The following DGKK variants were observed in gnomAD, a reference collection of about 807,000 sequenced individuals.
DGKK encodes diacylglycerol kinase kappa, also known as 142 kDa diacylglycerol kinase.
Under a neutral mutation model 92.2 loss-of-function variants are expected in DGKK, and 35 were observed. The ratio of observed to expected loss-of-function variants is 0.38; its 90% CI spans 0.29 to 0.50. The LOEUF (loss-of-function observed/expected upper bound fraction) is 0.50. Among genes scored for constraint, DGKK ranks in the 20% least tolerant of loss-of-function variants. The pLI is 0.92. For synonymous variants in DGKK, 368 were observed against 360.6 expected (o/e 1.02, Z -0.23); for missense variants, 910 against 992.2 (o/e 0.92, Z 1.11).
intron 27 of DGKK, among the ~76,000 whole-genome samples, chrX:50,369,976 T>C (rs1557222949): frequency 8.9e-6 from 1 of 112,128 alleles, no homozygotes; most frequent in Admixed American, 9.4e-5. Context: ...TAAGAGAACC[T>C]TCTTTTGAAT....
chrX:50,372,952 C>A (rs1163455828), intron 25 of DGKK, among the ~76,000 whole-genome samples: 2 of 112,156 alleles, frequency 1.8e-5, no homozygotes, highest in African/African-American at 6.5e-5. Flanking sequence ...ATAGGTTGAG[C>A]CTTGCTGGCT....
chrX:50,470,551 G>A lies in DGKK; in HGVS notation c.128C>T (p.Pro43Leu). The A allele has an allele frequency of 8.3e-7, 1 of 1,205,658 alleles. No homozygotes were observed. Among genetic ancestry groups the A allele is most frequent in the Non-Finnish European group, 1.1e-6 (1 of 893,812 alleles). The part of the protein sequence containing the change: ...PPPPPAPPPA[P>L]PLLSEASPEP... ...TGGCGAAGCCTCGGAGAGCAGCGGC[G>A]GAGCCGGCGGCGGAGCCGGTGGTGG... The change falls in exon 1 of 28, where the codon CCG (proline) becomes CTG (leucine). Residue 43 changes from proline (P) to leucine (L), a missense_variant. Physicochemically the swap from Pro to Leu is moderately conservative, Grantham distance 98. Coordinates refer to ENST00000611977, the MANE Select transcript of DGKK (RefSeq NM_001013742.4).
intron 14 of DGKK, 91 bp downstream of exon 14, chrX:50,387,463 C>A: frequency 1.5e-6 from 1 of 680,666 alleles, no homozygotes; most frequent in Non-Finnish European, 2.2e-6. Context: ...CTTTCTTTTA[C>A]CATTCCCAGT....
At chrX:50,411,155 A>T (rs1256265529) in intron 4 of DGKK, among the ~76,000 whole-genome samples, 1 of 111,443 alleles carries the variant, frequency 9.0e-6, no homozygotes, top group Non-Finnish European at 1.9e-5. Context: ...TAGGCCAGCG[A>T]TTACCCATGG....
Position 50,386,569 on chromosome X carries a change from A to C in DGKK, c.2136T>G (p.Asp712Glu). 1.7e-6 allele frequency: 2 copies of C among 1,209,457 alleles called. No individual in the cohort carries two copies. Among genetic ancestry groups the C allele is most frequent in the Non-Finnish European group, 2.2e-6 (2 of 894,072 alleles). ...SVILKSDLMY[D>E]RLSVLIDVLA... The stretch of plus-strand genomic sequence containing the variant: ...GGACATCGATCAGGACACTGAGCCT[A>C]TCATACATTAAGTCACTCTATATAG... Residue 712 changes from aspartate (D) to glutamate (E), a missense_variant, in exon 15 of 28, where the codon GAT becomes GAG. Transcript: ENST00000611977.
At chrX:50,391,327 A>G in intron 11 of DGKK, 110 bp downstream of exon 11, 3 of 1,043,883 alleles carry the variant, frequency 2.9e-6, no homozygotes, top group Non-Finnish European at 3.9e-6. Context: ...CTGAAGCCAG[A>G]AAGGAAATGA....
At chrX:50,393,029 T>G in intron 9 of DGKK, 123 bp downstream of exon 9, 46 of 596,407 alleles carry the variant, frequency 7.7e-5, no homozygotes, top group Non-Finnish European at 1.1e-4. Context: ...TGTCCTGACT[T>G]GAGAAAATAG....
At chrX:50,409,125 A>G (rs1285752658) in intron 4 of DGKK, among the ~76,000 whole-genome samples, 1 of 111,427 alleles carries the variant, frequency 9.0e-6, no homozygotes, top group East Asian at 2.8e-4. Context: ...CCTCAATCCA[A>G]TGACTGCTAT....
At chrX:50,445,476 T>C (rs1926280254) in intron 1 of DGKK, among the ~76,000 whole-genome samples, 2 of 111,161 alleles carry the variant, frequency 1.8e-5, no homozygotes, top group Admixed American at 9.6e-5. Flanking sequence ...AAGGAAGGGG[T>C]CCAGTTTCAA....
intron 25 of DGKK, among the ~76,000 whole-genome samples, chrX:50,373,560 C>T (rs1286914777): frequency 1.8e-5 from 2 of 112,387 alleles, no homozygotes; most frequent in Admixed American, 1.9e-4. Flanking sequence ...ATAGAAAGTA[C>T]TTCTGTTGAT....
intron 1 of DGKK, among the ~76,000 whole-genome samples, chrX:50,462,809 A>G (rs998624067): frequency 5.8e-5 from 6 of 104,208 alleles, no homozygotes; most frequent in Non-Finnish European, 9.8e-5. Context: ...CTTTTCTTTA[A>G]AAGAAACAGT....
intron 11 of DGKK, 82 bp from the exon 12 acceptor site, chrX:50,390,491 G>A: frequency 1.1e-6 from 1 of 892,569 alleles, no homozygotes; most frequent in Non-Finnish European, 1.6e-6. Context: ...GAAGACAGAA[G>A]TAAAAATGTT....
chrX:50,432,651 C>T (rs781801080), intron 1 of DGKK, among the ~76,000 whole-genome samples: 15 of 112,455 alleles, frequency 1.3e-4, no homozygotes, highest in Admixed American at 4.7e-4. Flanking sequence ...ACTGCAAAAA[C>T]TCTGTATATA....
In DGKK at chrX:50,404,122, G is replaced by C; in HGVS notation, c.1005C>G (p.Ser335Arg). 12 of 1,210,469 alleles carry C rather than the reference G, an allele frequency of 9.9e-6. No homozygotes were observed. The highest frequency in any genetic ancestry group is 1.3e-5 in the Non-Finnish European group (12 of 894,833). ...AAACATTGCAGTGCTGGGTCCGGTG[G>C]CTGTAACTGGAGTACCAACAATGCA... ...VGMHCWYSSY[S>R]HRTQHCNVCR... Residue 335 changes from serine to arginine, a missense_variant, in exon 5 of 28, where the codon AGC becomes AGG. Ser to Arg is a moderately radical substitution (Grantham distance 110). Coordinates refer to ENST00000611977, the MANE Select transcript of DGKK (RefSeq NM_001013742.4).
intron 1 of DGKK, among the ~76,000 whole-genome samples, chrX:50,447,352 TA>T (rs1485219592): frequency 2.4e-4 from 2 of 8,481 alleles, no homozygotes; most frequent in African/African-American, 1.8e-3. Context: ...ATTATATATA[TA>T]TATAATATAT....
At chrX:50,449,648 C>T (rs1354372241) in intron 1 of DGKK, among the ~76,000 whole-genome samples, 1 of 110,955 alleles carries the variant, frequency 9.0e-6, no homozygotes, top group Non-Finnish European at 1.9e-5. Context: ...TGAGCCGGCT[C>T]ACAACCACTC....
At chrX:50,379,042 C>T (rs182864246) in intron 20 of DGKK, among the ~76,000 whole-genome samples, 132 of 112,115 alleles carry the variant, frequency 1.2e-3, no homozygotes, top group African/African-American at 4.1e-3. Flanking sequence ...CTTGGCCGGG[C>T]GCAGTGGCTC....
chrX:50,434,665 G>T (rs1925972684), intron 1 of DGKK, among the ~76,000 whole-genome samples: 2 of 109,206 alleles, frequency 1.8e-5, no homozygotes, highest in Non-Finnish European at 3.8e-5. Context: ...TACTGCAAAT[G>T]ATTTCACAAG....
intron 22 of DGKK, 132 bp downstream of exon 22, chrX:50,377,966 A>T (rs1395265757): frequency 3.6e-5 from 29 of 800,522 alleles, no homozygotes; most frequent in South Asian, 8.4e-5. Flanking sequence ...TATAACCAGC[A>T]TCTCAAGTGA....
Sources: gnomAD v4.1 joint callset for allele counts (sites outside exome capture counted in the v4.1 genomes callset) on GRCh38, gnomAD v4.1.1 for gene constraint, MANE v1.5 for transcripts, NCBI Gene and HGNC (gene_info 2026-07-23, HGNC 2026-07-21) for gene names.